The following RAB3C variants were observed in gnomAD, a reference collection of about 807,000 sequenced individuals.
RAB3C encodes the protein RAB3C, member RAS oncogene family, also known as ras-related protein Rab-3C.
A neutral mutation model predicts 26.4 loss-of-function variants in RAB3C; 17 were observed. The observed-to-expected ratio is 0.64, with a 90% CI of 0.44 to 0.97. The LOEUF is 0.97. RAB3C is among the 50% of genes least tolerant of loss of function. The pLI is 0.00. For synonymous variants in RAB3C, 91 were observed against 95.9 expected, an observed-to-expected ratio of 0.95 and a Z score of 0.30; for missense variants, 242 against 281.9, an observed-to-expected ratio of 0.86 and a Z score of 1.01.
At chr5:58,673,500 A>G (rs1193995010) in intron 2 of RAB3C, among the ~76,000 whole-genome samples, 3 of 150,838 alleles carry the variant, frequency 2.0e-5, no homozygotes, top group African/African-American at 4.9e-5. Context: ...ACAATTTTCA[A>G]TCCTCATTTA....
chr5:58,752,078 C>A lies in RAB3C; in HGVS notation c.371+25958C>A, dbSNP rs542961863. Among the ~76,000 whole-genome samples the A allele has an allele frequency of 2.0e-4, 30 of 152,120 alleles. No individual in the cohort carries two copies. The South Asian group carries it at 5.2e-3, about 26-fold the overall frequency. On this transcript the variant is annotated intron_variant, in intron 3 of 4. Transcript: ENST00000282878. Reference sequence around the variant, plus strand: ...TACAGAGATGCAAAAAAAAATTATTCTTTAACTTATACTATGGCACATAAG... The same window carrying A: ...TACAGAGATGCAAAAAAAAATTATTATTTAACTTATACTATGGCACATAAG...
At chr5:58,734,907 G>A (rs1241139699) in intron 3 of RAB3C, among the ~76,000 whole-genome samples, 1 of 152,226 alleles carries the variant, frequency 6.6e-6, no homozygotes, top group Non-Finnish European at 1.5e-5. Flanking sequence ...TTACAAGGCT[G>A]TTGTCCTGCA....
At chr5:58,658,945 C>T (rs1747839729) in intron 2 of RAB3C, among the ~76,000 whole-genome samples, 1 of 152,066 alleles carries the variant, frequency 6.6e-6, no homozygotes, top group South Asian at 2.1e-4. Flanking sequence ...TTGTATTGGC[C>T]AGAGCAAGTC....
At chr5:58,803,997 T>C (rs1050091360) in intron 3 of RAB3C, among the ~76,000 whole-genome samples, 4 of 151,750 alleles carry the variant, frequency 2.6e-5, no homozygotes, top group African/African-American at 9.7e-5. Flanking sequence ...GAGGCGGAGG[T>C]TGCAGTGAGC....
At chr5:58,835,274 C>G (rs1322457907) in intron 4 of RAB3C, among the ~76,000 whole-genome samples, 1 of 152,190 alleles carries the variant, frequency 6.6e-6, no homozygotes, top group Non-Finnish European at 1.5e-5. Flanking sequence ...TTACTAATTG[C>G]CTTCCTTAAC....
chr5:58,777,859 C>T (rs1561127168), intron 3 of RAB3C, among the ~76,000 whole-genome samples: 3 of 151,510 alleles, frequency 2.0e-5, no homozygotes. Context: ...GTTTTTTGTC[C>T]TTGCGATAGT....
At chr5:58,723,880 A>G (rs1740826994) in intron 2 of RAB3C, among the ~76,000 whole-genome samples, 1 of 151,860 alleles carries the variant, frequency 6.6e-6, no homozygotes, top group African/African-American at 2.4e-5. Flanking sequence ...AAAGAGTACT[A>G]GGAAAGAGAA....
At chr5:58,717,885 C>T (rs989379197) in intron 2 of RAB3C, among the ~76,000 whole-genome samples, 1 of 152,080 alleles carries the variant, frequency 6.6e-6, no homozygotes, top group Non-Finnish European at 1.5e-5. Context: ...ATTCAATGAG[C>T]CCAATCGGCA....
chr5:58,642,055 T>C (rs1747423419), intron 2 of RAB3C, among the ~76,000 whole-genome samples: 1 of 152,208 alleles, frequency 6.6e-6, no homozygotes, highest in African/African-American at 2.4e-5. Flanking sequence ...CTGGCTATTG[T>C]GGGTACACTG....
intron 3 of RAB3C, among the ~76,000 whole-genome samples, chr5:58,732,293 T>G (rs1741042862): frequency 6.6e-6 from 1 of 151,742 alleles, no homozygotes; most frequent in Non-Finnish European, 1.5e-5. Context: ...CAAAAAAATT[T>G]TTTTATATTT....
chr5:58,817,885 A>G (rs1335294605), intron 3 of RAB3C, among the ~76,000 whole-genome samples: 1 of 152,224 alleles, frequency 6.6e-6, no homozygotes, highest in Non-Finnish European at 1.5e-5. Flanking sequence ...TTTCTTTACA[A>G]ACTTGAAGTA....
At chr5:58,838,182 C>G (rs1429527984) in intron 4 of RAB3C, among the ~76,000 whole-genome samples, 1 of 152,094 alleles carries the variant, frequency 6.6e-6, no homozygotes, top group African/African-American at 2.4e-5. Flanking sequence ...AGACCGAGAC[C>G]ATCCTGGTTA....
intron 2 of RAB3C, among the ~76,000 whole-genome samples, chr5:58,625,524 T>C (rs1747032446): frequency 6.6e-6 from 1 of 152,122 alleles, no homozygotes; most frequent in African/African-American, 2.4e-5. Context: ...CCTACAGGAC[T>C]TCTATCCCAA....
At chr5:58,583,333 G>A in intron 1 of RAB3C, 101 bp downstream of exon 1, 1 of 1,579,404 alleles carries the variant, frequency 6.3e-7, no homozygotes, top group African/African-American at 1.3e-5. Flanking sequence ...GGTCTAGGCG[G>A]TCACCCGCGG....
intron 3 of RAB3C, among the ~76,000 whole-genome samples, chr5:58,810,968 C>T (rs1337819369): frequency 6.6e-6 from 1 of 152,212 alleles, no homozygotes; most frequent in African/African-American, 2.4e-5. Flanking sequence ...ATGGCCTTGT[C>T]AGCCTCCAAG....
chr5:58,588,746 A>G (rs139727068), intron 1 of RAB3C, among the ~76,000 whole-genome samples: 1,880 of 151,878 alleles, frequency 0.012, 28 homozygotes, highest in African/African-American at 0.043. Flanking sequence ...CTGTATCCAG[A>G]CTCTGATCTG....
At chr5:58,740,691 G>A (rs937032756) in intron 3 of RAB3C, among the ~76,000 whole-genome samples, 9 of 151,966 alleles carry the variant, frequency 5.9e-5, no homozygotes, top group Non-Finnish European at 7.4e-5. Flanking sequence ...GTGGTGGCAC[G>A]CACCCATAGT....
At chr5:58,756,447 A>G (rs895822367) in intron 3 of RAB3C, among the ~76,000 whole-genome samples, 1 of 147,384 alleles carries the variant, frequency 6.8e-6, no homozygotes, top group African/African-American at 2.5e-5. Flanking sequence ...CATGTGCAGA[A>G]CGTGCAGGTT....
Position 58,777,599 on chromosome 5 carries a change from T to G in RAB3C, c.372-47439T>G, listed in dbSNP as rs537366086. Among the ~76,000 whole-genome samples, 6 of 152,054 alleles carry G rather than the reference T, an allele frequency of 3.9e-5. No individual in the cohort carries two copies. In the South Asian group the frequency reaches 1.0e-3, roughly 26 times the overall value. Reference sequence around the variant, plus strand: ...TTCTTGAAAGGAAAGACCATGTTTTTTTTTTTTTTTTTGTACTTTAAGTTA... The same window carrying G: ...TTCTTGAAAGGAAAGACCATGTTTTGTTTTTTTTTTTTGTACTTTAAGTTA... On this transcript the variant is annotated intron_variant, in intron 3 of 4. Coordinates refer to ENST00000282878, the MANE Select transcript of RAB3C (RefSeq NM_138453.4).
Sources: allele counts gnomAD v4.1 joint callset (sites outside exome capture counted in the v4.1 genomes callset), GRCh38; gene constraint gnomAD v4.1.1; transcripts MANE v1.5; gene names NCBI Gene and HGNC (gene_info 2026-07-23, HGNC 2026-07-21).